MLXIPL: variants seen among roughly 807,000 people sequenced by gnomAD.
MLXIPL encodes the protein MLX interacting protein like, also known as carbohydrate-responsive element-binding protein.
In MLXIPL, 49 loss-of-function variants were observed where a neutral mutation model predicts 81.5. The observed-to-expected ratio is 0.60, with a 90% CI of 0.48 to 0.76. The LOEUF (loss-of-function observed/expected upper bound fraction) is 0.76. Among genes scored for constraint, MLXIPL ranks in the 30% least tolerant of loss-of-function variants. MLXIPL has a pLI of 0.00. For missense variants in MLXIPL, 1,053 were observed against 1,167.0 expected (o/e 0.90, Z 1.42); for synonymous variants, 466 against 485.5 (o/e 0.96, Z 0.53).
In MLXIPL at chr7:73,596,334, A is replaced by G. The variant is rs1389422019; in HGVS notation, c.1938+30T>C. ...GCCCAGGAGGGCCTGGGGGTAGCAA[A>G]CCGATCTTGGGGTGGGGGATGGTGC... On this transcript the variant is annotated intron_variant, in intron 12 of 16. Coordinates refer to ENST00000313375, the MANE Select transcript of MLXIPL (RefSeq NM_032951.3). The surrounding 1 kb of genome is among the most constrained non-coding windows in gnomAD (Gnocchi z 4.7). The G allele has an allele frequency of 6.4e-7, 1 of 1,569,270 alleles. No individual in the cohort carries two copies. Among genetic ancestry groups the G allele is most frequent in the East Asian group, 2.4e-5 (1 of 41,794 alleles).
chr7:73,633,094 T>TTC, the MLXIPL span, among the ~76,000 whole-genome samples: 27 of 148,256 alleles, frequency 1.8e-4, no homozygotes, highest in Non-Finnish European at 3.7e-4. Context: ...TTTTTTTTTT[T>TTC]ATTTGAGATG....
At chr7:73,607,479 C>G (rs1795386357) in intron 3 of MLXIPL, 59 bp from the exon 4 acceptor site, 1 of 1,526,602 alleles carries the variant, frequency 6.6e-7, no homozygotes, top group South Asian at 1.2e-5. Flanking sequence ...ACACCCATCT[C>G]CCACCCTTCA....
chr7:73,595,256 G>A (rs1044122915), intron 15 of MLXIPL, among the ~76,000 whole-genome samples: 19 of 152,206 alleles, frequency 1.2e-4, no homozygotes, highest in Non-Finnish European at 2.2e-4. Flanking sequence ...CCCCATCCCT[G>A]AGCTCCCTGC....
At position 73,611,565 on chromosome 7, in the gene MLXIPL, C is replaced by G. The variant is rs1317648796; in HGVS notation, c.401-3893G>C. ...GCACGGTGGCTCACGCCTGTAATCT[C>G]AGCACTTTGGGAGGCTAAGGCCGGC... On this transcript the variant is annotated intron_variant, in intron 2 of 16. Coordinates refer to ENST00000313375, the MANE Select transcript of MLXIPL (RefSeq NM_032951.3). 3.3e-5 allele frequency: 5 copies of G among 152,376 alleles called. No individual in the cohort carries two copies. The East Asian group carries it at 7.7e-4, about 24-fold the overall frequency. 9.4% of individuals were successfully genotyped at this position (152,376 alleles called of 1,614,324 possible).
At chr7:73,632,334 A>G in the MLXIPL span, among the ~76,000 whole-genome samples, 2 of 151,920 alleles carry the variant, frequency 1.3e-5, no homozygotes, top group Non-Finnish European at 2.9e-5. Flanking sequence ...TTCTGGTTAT[A>G]TGGGGATGTT....
rs1554598810 is a variant in MLXIPL, at chr7:73,607,691, G to T, written c.401-19C>A. On this transcript the variant is annotated intron_variant, in intron 2 of 16. Coordinates refer to ENST00000313375, the MANE Select transcript of MLXIPL (RefSeq NM_032951.3). ...TTCACATCTGAGAGAAGGGGGCCAG[G>T]TCAGGGGCACCCAGCTTCCTCATCC... The T allele has an allele frequency of 6.2e-7, 1 of 1,610,064 alleles. No homozygotes were observed. The highest frequency in any genetic ancestry group is 8.5e-7 in the Non-Finnish European group (1 of 1,177,434).
intron 3 of MLXIPL, 31 bp downstream of exon 3, chr7:73,607,559 C>G (rs782809644): frequency 6.2e-7 from 1 of 1,607,956 alleles, no homozygotes; most frequent in Non-Finnish European, 8.5e-7. Context: ...GGCAGGTGGG[C>G]AGGTGGGCAG....
upstream of MLXIPL, among the ~76,000 whole-genome samples, chr7:73,627,250 C>CT (rs869038650): frequency 0.015 from 1,968 of 133,892 alleles, 41 homozygotes; most frequent in African/African-American, 0.04. Context: ...AAGTGGCCCT[C>CT]TTTTTTTTTT....
Position 73,593,488 on chromosome 7 carries a change from T to C in MLXIPL, c.*377A>G. 3.2e-6 allele frequency: 1 copy of C among 312,280 alleles called. No homozygotes were observed. Among genetic ancestry groups the C allele is most frequent in the South Asian group, 2.9e-5 (1 of 34,152 alleles). The allele number at this position is 312,280 out of a possible 1,614,324, so 19.3% of individuals were successfully genotyped here. On this transcript the variant is annotated 3_prime_UTR_variant, in exon 17 of 17. Transcript: ENST00000313375. Reference sequence around the variant, plus strand: ...TGGAGGTGACAGAGAAACAGCATCCTCCTCTTTCCACCGTTGAGCCCCCGG... The same window carrying C: ...TGGAGGTGACAGAGAAACAGCATCCCCCTCTTTCCACCGTTGAGCCCCCGG...
chr7:73,606,924 C>T (rs1264737539), intron 5 of MLXIPL, 50 bp downstream of exon 5: 5 of 1,597,376 alleles, frequency 3.1e-6, no homozygotes, highest in Non-Finnish European at 4.3e-6. Context: ...CTCCCATCTA[C>T]TTGGGGGGCA....
chr7:73,614,809 C>G (rs78019924), intron 2 of MLXIPL, among the ~76,000 whole-genome samples: 22 of 106,166 alleles, frequency 2.1e-4, no homozygotes, highest in African/African-American at 6.8e-4. Flanking sequence ...TTGTTTTGCC[C>G]TTTTTTTTTT....
chr7:73,622,308 TG>T (rs1353871042), intron 1 of MLXIPL, among the ~76,000 whole-genome samples: 1 of 151,602 alleles, frequency 6.6e-6, no homozygotes, highest in Non-Finnish European at 1.5e-5. Flanking sequence ...CTGGCCAACA[TG>T]GTGAAATCTC....
chr7:73,619,409 C>T (rs1326783616), intron 1 of MLXIPL, among the ~76,000 whole-genome samples: 3 of 149,608 alleles, frequency 2.0e-5, no homozygotes, highest in African/African-American at 4.9e-5. Flanking sequence ...TGCAGTGAGC[C>T]GAGATTGTGC....
At chr7:73,641,551 C>T in the MLXIPL span, among the ~76,000 whole-genome samples, 2 of 152,136 alleles carry the variant, frequency 1.3e-5, no homozygotes, top group Admixed American at 1.3e-4. Context: ...CGTATACCAG[C>T]AAATGGTGTT....
the MLXIPL span, among the ~76,000 whole-genome samples, chr7:73,639,191 G>A: frequency 6.6e-6 from 1 of 152,136 alleles, no homozygotes; most frequent in Non-Finnish European, 1.5e-5. Context: ...TCCCAGGCCA[G>A]GAAGAAACAG....
At chr7:73,603,387 G>T (rs1436536735) in intron 7 of MLXIPL, among the ~76,000 whole-genome samples, 9 of 152,112 alleles carry the variant, frequency 5.9e-5, no homozygotes, top group Admixed American at 1.3e-4. Context: ...GGGTGGCTGG[G>T]CTCCTACCTG....
intron 3 of MLXIPL, 48 bp from the exon 4 acceptor site, chr7:73,607,468 C>G (rs782379056): frequency 6.6e-7 from 1 of 1,512,366 alleles, no homozygotes; most frequent in Non-Finnish European, 9.0e-7. Context: ...GGGAGCACCG[C>G]ACACCCATCT....
chr7:73,602,130 GCCTTCCTT>G (rs1211377104), intron 7 of MLXIPL, among the ~76,000 whole-genome samples: 4 of 80,508 alleles, frequency 5.0e-5, no homozygotes, highest in African/African-American at 1.6e-4. Flanking sequence ...CTGCCTGCCT[GCCTTCCTT>G]CCTTCCTTCC....
At chr7:73,647,849 A>G in the MLXIPL span, among the ~76,000 whole-genome samples, 50 of 150,604 alleles carry the variant, frequency 3.3e-4, no homozygotes, top group African/African-American at 1.2e-3. Flanking sequence ...CGCTGCGGGG[A>G]TGCTTGGGAC....
Sources: allele counts gnomAD v4.1 joint callset (sites outside exome capture counted in the v4.1 genomes callset), GRCh38; gene constraint gnomAD v4.1.1; non-coding constraint Gnocchi (gnomAD v3.1); transcripts MANE v1.5; gene names NCBI Gene and HGNC (gene_info 2026-07-23, HGNC 2026-07-21).